PIBF1: variants seen among roughly 807,000 people sequenced by gnomAD.
PIBF1 encodes progesterone immunomodulatory binding factor 1, also known as progesterone-induced-blocking factor 1.
Under a neutral mutation model 112.5 loss-of-function variants are expected in PIBF1, and 90 were observed. The observed-to-expected ratio is 0.80, with a 90% CI of 0.67 to 0.95. The LOEUF is 0.95. PIBF1 is among the 40% of genes least tolerant of loss of function. The pLI is 0.00. For synonymous variants in PIBF1, 301 were observed against 288.6 expected, an observed-to-expected ratio of 1.04 and a Z score of -0.44; for missense variants, 915 against 852.3, an observed-to-expected ratio of 1.07 and a Z score of -0.92.
chr13:72,878,829 A>T (rs994261369), intron 10 of PIBF1, among the ~76,000 whole-genome samples: 2 of 152,176 alleles, frequency 1.3e-5, no homozygotes, highest in Admixed American at 1.3e-4. Flanking sequence ...TATTATATCT[A>T]CTTGGAAAAT....
intron 13 of PIBF1, among the ~76,000 whole-genome samples, chr13:72,930,575 T>A (rs1391520877): frequency 6.6e-6 from 1 of 152,160 alleles, no homozygotes; most frequent in East Asian, 1.9e-4. Context: ...GTGCAATAAG[T>A]TATGGTAATG....
intron 2 of PIBF1, among the ~76,000 whole-genome samples, chr13:72,790,558 G>A (rs1033693675): frequency 7.7e-6 from 1 of 130,226 alleles, no homozygotes; most frequent in African/African-American, 2.9e-5. Context: ...TAGATAGATA[G>A]ATAGATAAAT....
At chr13:72,994,160 C>CGGGGAAGGGAGAGAAAGAG (rs2043573903) in intron 16 of PIBF1, among the ~76,000 whole-genome samples, 4 of 151,056 alleles carry the variant, frequency 2.6e-5, no homozygotes, top group Admixed American at 2.0e-4. Flanking sequence ...AGGCCGGAGG[C>CGGGGAAGGGAGAGAAAGAG]GGGGAAGGGA....
intron 5 of PIBF1, among the ~76,000 whole-genome samples, chr13:72,814,498 TAATA>T (rs1330940940): frequency 1.3e-5 from 2 of 150,750 alleles, no homozygotes; most frequent in East Asian, 3.9e-4. Context: ...AAAAATTATA[TAATA>T]AATTTTAAGT....
At chr13:72,974,445 G>A (rs1322394292) in intron 16 of PIBF1, among the ~76,000 whole-genome samples, 1 of 152,144 alleles carries the variant, frequency 6.6e-6, no homozygotes, top group African/African-American at 2.4e-5. Flanking sequence ...TGCTATAAAA[G>A]TGAAATTATC....
At chr13:72,906,231 A>G (rs1462641661) in intron 11 of PIBF1, among the ~76,000 whole-genome samples, 2 of 152,062 alleles carry the variant, frequency 1.3e-5, no homozygotes, top group African/African-American at 4.8e-5. Flanking sequence ...TTTTTGCTTA[A>G]TTATTAATTG....
chr13:72,993,348 AT>A (rs2043541268), intron 16 of PIBF1, among the ~76,000 whole-genome samples: 1 of 150,918 alleles, frequency 6.6e-6, no homozygotes, highest in African/African-American at 2.4e-5. Flanking sequence ...AAAAATAAAA[AT>A]AAATTGTGAT....
chr13:72,805,811 A>G (rs2035703790), intron 5 of PIBF1, among the ~76,000 whole-genome samples: 1 of 152,194 alleles, frequency 6.6e-6, no homozygotes, highest in Non-Finnish European at 1.5e-5. Context: ...AGACCTCCAC[A>G]CTTAAAACTG....
At chr13:72,989,844 A>G (rs957371017) in intron 16 of PIBF1, among the ~76,000 whole-genome samples, 1 of 152,170 alleles carries the variant, frequency 6.6e-6, no homozygotes, top group East Asian at 1.9e-4. Context: ...GAAGTTGCGC[A>G]GTGGAAAGTG....
chr13:72,886,130 A>C (rs189744021), intron 10 of PIBF1, among the ~76,000 whole-genome samples: 10 of 152,258 alleles, frequency 6.6e-5, no homozygotes, highest in Non-Finnish European at 1.3e-4. Flanking sequence ...AAGCATGATT[A>C]GCCTCCATCG....
intron 13 of PIBF1, among the ~76,000 whole-genome samples, chr13:72,927,376 C>T (rs2041520777): frequency 6.6e-6 from 1 of 152,090 alleles, no homozygotes; most frequent in Non-Finnish European, 1.5e-5. Context: ...TAGTGGCGGG[C>T]ACCTGTGGTC....
At chr13:72,879,277 T>G (rs911113709) in intron 10 of PIBF1, among the ~76,000 whole-genome samples, 1 of 152,160 alleles carries the variant, frequency 6.6e-6, no homozygotes, top group African/African-American at 2.4e-5. Context: ...AAGGAAAGTT[T>G]GCAAATGTAA....
At position 72,792,534 on chromosome 13, in the gene PIBF1, C is replaced by A; in HGVS notation, c.340C>A (p.Gln114Lys). 2 of 1,519,518 alleles carry A rather than the reference C, an allele frequency of 1.3e-6. No individual in the cohort carries two copies. The highest frequency in any genetic ancestry group is 2.2e-5 in the Admixed American group (1 of 45,060). 94.1% of individuals were successfully genotyped at this position (1,519,518 alleles called of 1,614,324 possible). ...ATTAGACAACCAATTGGCTTTTCAA[C>A]AGAAAGATGCCAGGTAAGAAAAGTT... Reference protein sequence around the residue: ...LRLDNQLAFQQKDASKYQELM... With the variant: ...LRLDNQLAFQKKDASKYQELM... The change falls in exon 3 of 18, where the codon CAG becomes AAG. Residue 114 changes from glutamine (Q) to lysine (K), a missense_variant. Transcript: ENST00000326291.
chr13:72,975,200 T>C (rs1180299363), intron 16 of PIBF1, among the ~76,000 whole-genome samples: 3 of 151,820 alleles, frequency 2.0e-5, no homozygotes, highest in Non-Finnish European at 4.4e-5. Context: ...GGATTACAGG[T>C]GCATGCCACC....
intron 16 of PIBF1, among the ~76,000 whole-genome samples, chr13:72,984,547 C>T (rs1372558890): frequency 6.6e-6 from 1 of 152,080 alleles, no homozygotes; most frequent in African/African-American, 2.4e-5. Context: ...CTCACAACAG[C>T]TCATTCTTAC....
intron 4 of PIBF1, 33 bp downstream of exon 4, chr13:72,795,590 A>T (rs755398624): frequency 1.5e-6 from 2 of 1,300,516 alleles, no homozygotes; most frequent in Non-Finnish European, 2.2e-6. Context: ...TAACTATGAC[A>T]TATATTTTCA....
chr13:72,826,679 CTTTAAAA>C (rs1297610951), intron 6 of PIBF1, among the ~76,000 whole-genome samples: 3 of 151,750 alleles, frequency 2.0e-5, no homozygotes, highest in Admixed American at 1.3e-4. Context: ...TGTATACATT[CTTTAAAA>C]GTTTTAACCT....
At chr13:72,959,576 G>A (rs917764469) in intron 14 of PIBF1, among the ~76,000 whole-genome samples, 3 of 152,076 alleles carry the variant, frequency 2.0e-5, no homozygotes, top group Non-Finnish European at 4.4e-5. Flanking sequence ...TCTAGTTTCT[G>A]TGAAAGTAAA....
rs560532323 is a variant in PIBF1, at chr13:72,927,040, T to A, written c.1731-4125T>A. ...GCTTTTCTGCAGTCATTGATATTCA[T>A]CACCAAGAAAAAATAGTAATTTCCT... On this transcript the variant is annotated intron_variant, in intron 13 of 17. Transcript: ENST00000326291. Among the ~76,000 whole-genome samples, 76 of 152,030 alleles carry A rather than the reference T, an allele frequency of 5.0e-4. 1 individual carries two copies. Among genetic ancestry groups the A allele is most frequent in the South Asian group, 1.9e-3 (9 of 4,828 alleles).
Sources: allele counts gnomAD v4.1 joint callset (sites outside exome capture counted in the v4.1 genomes callset), GRCh38; gene constraint gnomAD v4.1.1; transcripts MANE v1.5; gene names NCBI Gene and HGNC (gene_info 2026-07-23, HGNC 2026-07-21).